Variants in ZNF8 observed in about 807,000 individuals in gnomAD.
ZNF8 encodes zinc finger protein 8, also known as zinc finger protein 272.
In ZNF8, 9 loss-of-function variants were observed where a neutral mutation model predicts 12.2. That is an observed-to-expected ratio of 0.73 (90% confidence interval 0.44 to 1.28). The LOEUF (loss-of-function observed/expected upper bound fraction) is 1.28. Ranked by LOEUF, ZNF8 falls within the 50% of genes most tolerant of loss-of-function variation. ZNF8 has a pLI of 0.00. For synonymous variants in ZNF8, 274 were observed against 282.3 expected, an observed-to-expected ratio of 0.97 and a Z score of 0.30; for missense variants, 664 against 729.1, an observed-to-expected ratio of 0.91 and a Z score of 1.03.
chr19:58,291,732 C>T (rs2051420716), intron 3 of ZNF8, among the ~76,000 whole-genome samples: 1 of 152,166 alleles, frequency 6.6e-6, no homozygotes, highest in Admixed American at 6.5e-5. Context: ...CTGGGGAGGG[C>T]AAGATGGGGT....
chr19:58,294,019 C>G lies in ZNF8; in HGVS notation c.290-79C>G, dbSNP rs2051436525. The stretch of plus-strand genomic sequence containing the variant: ...GCTGGTTAGGACCCCATTTCAATAT[C>G]AGGCCTATGGTGTTGGAGGCCTGTC... On this transcript the variant is annotated intron_variant, in intron 3 of 3. Transcript: ENST00000621650. This position sits in a 1 kb window ranked among gnomAD's most constrained non-coding sequence, Gnocchi z 5.5. 7 of 1,330,316 alleles carry G rather than the reference C, an allele frequency of 5.3e-6. No homozygotes were observed. The highest frequency in any genetic ancestry group is 7.2e-6 in the Non-Finnish European group (7 of 968,342). 82.4% of individuals were successfully genotyped at this position (1,330,316 alleles called of 1,614,324 possible). A position where few individuals can be genotyped will look rare whatever the true frequency, so the allele number is the denominator to read the frequency against.
At chr19:58,280,212 C>T (rs144445277) in intron 1 of ZNF8, 6 of 261,970 alleles carry the variant, frequency 2.3e-5, no homozygotes, top group African/African-American at 1.2e-4. Flanking sequence ...CATGAAGTTA[C>T]AGTGAAGATG....
chr19:58,278,963 C>A lies in ZNF8; in HGVS notation c.-119C>A. 3.2e-6 allele frequency: 4 copies of A among 1,237,528 alleles called. No individual in the cohort carries two copies. The highest frequency in any genetic ancestry group is 4.2e-6 in the Non-Finnish European group (4 of 946,400). The allele number at this position is 1,237,528 out of a possible 1,614,324, so 76.7% of individuals were successfully genotyped here. On this transcript the variant is annotated 5_prime_UTR_variant, in exon 1 of 4. Coordinates refer to ENST00000621650, the MANE Select transcript of ZNF8 (RefSeq NM_021089.3). Reference sequence around the variant, plus strand: ...ACGGCCTACTGGGAGTTGTAGTCGCCGCGTCGCCGGTGCGGCCGCCATTGT... The same window carrying A: ...ACGGCCTACTGGGAGTTGTAGTCGCAGCGTCGCCGGTGCGGCCGCCATTGT...
chr19:58,284,924 A>G (rs1019134364), intron 1 of ZNF8, among the ~76,000 whole-genome samples: 1 of 152,146 alleles, frequency 6.6e-6, no homozygotes, highest in African/African-American at 2.4e-5. Context: ...AGTTCTGACA[A>G]AGGGACCTGT....
At chr19:58,279,282 G>C (rs767303973) in intron 1 of ZNF8, 135 bp downstream of exon 1, 2 of 1,521,042 alleles carry the variant, frequency 1.3e-6, no homozygotes, top group South Asian at 1.2e-5. Context: ...ACTCAGACGC[G>C]GGTCGGGGCG....
intron 1 of ZNF8, among the ~76,000 whole-genome samples, chr19:58,281,167 GT>G (rs1045083819): frequency 6.6e-6 from 1 of 152,168 alleles, no homozygotes; most frequent in Non-Finnish European, 1.5e-5. Flanking sequence ...CCATTCACGT[GT>G]TTTAAGCAGG....
intron 3 of ZNF8, among the ~76,000 whole-genome samples, chr19:58,289,138 T>C (rs768348946): frequency 1.1e-4 from 17 of 152,190 alleles, no homozygotes; most frequent in Non-Finnish European, 2.1e-4. Flanking sequence ...ATTTTCCATG[T>C]AATGCTTTGT....
At chr19:58,285,156 T>A (rs553057041) in intron 1 of ZNF8, among the ~76,000 whole-genome samples, 1 of 102,422 alleles carries the variant, frequency 9.8e-6, no homozygotes, top group Non-Finnish European at 2.3e-5. Context: ...CCTGTTTTTT[T>A]GTTTTTTTTT....
At chr19:58,291,144 C>T (rs1234916226) in intron 3 of ZNF8, among the ~76,000 whole-genome samples, 1 of 152,206 alleles carries the variant, frequency 6.6e-6, no homozygotes, top group Non-Finnish European at 1.5e-5. Context: ...CCCTCCTTGG[C>T]CCCTGTCACT....
At chr19:58,279,777 C>T (rs753798200) in intron 1 of ZNF8, 7 of 1,481,812 alleles carry the variant, frequency 4.7e-6, no homozygotes, top group Non-Finnish European at 5.4e-6. Context: ...GCTCCACTTT[C>T]TAGACAAAGT....
Position 58,296,414 on chromosome 19 carries a change from T to G in ZNF8, c.*878T>G, listed in dbSNP as rs1040284532. On this transcript the variant is annotated 3_prime_UTR_variant, in exon 4 of 4. Coordinates refer to ENST00000621650, the MANE Select transcript of ZNF8 (RefSeq NM_021089.3). ...GAAGTTCTTTTTTTTGTTTTTTGTC[T>G]GAGATGGAGTCTCGCTCCGTCACCC... The G allele has an allele frequency of 6.6e-6, 1 of 152,138 alleles. No individual in the cohort carries two copies. The highest frequency in any genetic ancestry group is 1.5e-5 in the Non-Finnish European group (1 of 68,044). The allele number at this position is 152,138 out of a possible 1,614,324, so 9.4% of individuals were successfully genotyped here. A position where few individuals can be genotyped will look rare whatever the true frequency, so the allele number is the denominator to read the frequency against.
intron 1 of ZNF8, among the ~76,000 whole-genome samples, chr19:58,283,525 A>T (rs2147954362): frequency 6.6e-6 from 1 of 152,056 alleles, no homozygotes; most frequent in East Asian, 1.9e-4. Context: ...TTATGTCATA[A>T]CAAGAAGGCC....
rs2051380223 is a variant in ZNF8, at chr19:58,285,914, G to A, written c.193+71G>A. The A allele has an allele frequency of 1.9e-6, 3 of 1,544,940 alleles. No individual in the cohort carries two copies. The African/African-American group carries it at 4.1e-5, about 21-fold the overall frequency. On this transcript the variant is annotated intron_variant, in intron 2 of 3. Transcript: ENST00000621650. ...ATAAGTCATGGGGCCTCTGGTGTGA[G>A]GACCTGACCTTGGGTCCTCACTCCC...
At chr19:58,289,554 G>A (rs1223205673) in intron 3 of ZNF8, among the ~76,000 whole-genome samples, 1 of 151,380 alleles carries the variant, frequency 6.6e-6, no homozygotes, top group Non-Finnish European at 1.5e-5. Context: ...GAGGTCAGAA[G>A]TTCAAAATGG....
At chr19:58,285,952 ATGAAGAGGGAGGTCTG>A in intron 2 of ZNF8, 109 bp downstream of exon 2, 1 of 1,445,898 alleles carries the variant, frequency 6.9e-7, no homozygotes, top group Non-Finnish European at 9.5e-7. Context: ...TGGGGAGTGC[ATGAAGAGGGAGGTCTG>A]CCCTTTTCCA....
chr19:58,295,131 G>A lies in ZNF8; in HGVS notation c.1323G>A (p.Lys441=). The A allele has an allele frequency of 6.2e-7, 1 of 1,613,994 alleles. No individual in the cohort carries two copies. Reference sequence around the variant, plus strand: ...TTGAGCAGACGCCAGCTCTCACAAAGCATGAATGGACAGAAGCCCTGGGCT... The same window carrying A: ...TTGAGCAGACGCCAGCTCTCACAAAACATGAATGGACAGAAGCCCTGGGCT... ...LIFEQTPALT[K]HEWTEALGCD... Residue 441 remains lysine, a synonymous_variant, in exon 4 of 4, where the codon AAG becomes AAA. Transcript: ENST00000621650.
At position 58,295,406 on chromosome 19, in the gene ZNF8, C is replaced by G. The variant is rs150108861; in HGVS notation, c.1598C>G (p.Pro533Arg). Residue 533 changes from proline to arginine, a missense_variant, in exon 4 of 4, where the codon CCG becomes CGG. Pro to Arg is a moderately radical substitution (Grantham distance 103, BLOSUM62 -2). Coordinates refer to ENST00000621650, the MANE Select transcript of ZNF8 (RefSeq NM_021089.3). ...GCAGGCGGAGCAAAGGCAGGGCAGC[C>G]GGAAAGCAGAGCCCTGGCTTTGTTT... ...SSAGGAKAGQ[P>R]ESRALALFDI... is the part of the protein sequence containing the mutation. 5.0e-6 allele frequency: 8 copies of G among 1,613,936 alleles called. No homozygotes were observed. Among genetic ancestry groups the G allele is most frequent in the African/African-American group, 2.7e-5 (2 of 74,910 alleles).
rs907038970 is a variant in ZNF8, at chr19:58,279,816, G to T, written c.66+669G>T. 4 of 1,421,822 alleles carry T rather than the reference G, an allele frequency of 2.8e-6. No homozygotes were observed. In the African/African-American group the frequency reaches 4.2e-5, roughly 15 times the overall value. 88.1% of individuals were successfully genotyped at this position (1,421,822 alleles called of 1,614,324 possible). On this transcript the variant is annotated intron_variant, in intron 1 of 3. Coordinates refer to ENST00000621650, the MANE Select transcript of ZNF8 (RefSeq NM_021089.3). ...TGCGGCCTGTGTTCTCCATAAAGCT[G>T]CCTCGCGTGGCAGGAAACAACAATA...
rs1483582816 is a variant in ZNF8 at position 58,296,756 on chromosome 19, G to C, written c.*1220G>C. On this transcript the variant is annotated 3_prime_UTR_variant, in exon 4 of 4. Coordinates refer to ENST00000621650, the MANE Select transcript of ZNF8 (RefSeq NM_021089.3). ...TTGGTGACATCTAGGGACATTTTTG[G>C]TTGCTGTGCCTGGAGGAAGGGTGCC... The C allele has an allele frequency of 6.6e-6, 1 of 152,348 alleles. No homozygotes were observed. Among genetic ancestry groups the C allele is most frequent in the Non-Finnish European group, 1.5e-5 (1 of 68,220 alleles). The allele number at this position is 152,348 out of a possible 1,614,324, so 9.4% of individuals were successfully genotyped here. A position where few individuals can be genotyped will look rare whatever the true frequency, so the allele number is the denominator to read the frequency against.
Sources: allele counts gnomAD v4.1 joint callset (sites outside exome capture counted in the v4.1 genomes callset), GRCh38; gene constraint gnomAD v4.1.1; non-coding constraint Gnocchi (gnomAD v3.1); transcripts MANE v1.5; gene names NCBI Gene and HGNC (gene_info 2026-07-23, HGNC 2026-07-21).